Variants in ZNF704 observed in about 807,000 individuals in gnomAD.
ZNF704 encodes zinc finger protein 704, also known as glucocorticoid induced gene 1.
Under a neutral mutation model 44.7 loss-of-function variants are expected in ZNF704, and 10 were observed. The observed-to-expected ratio is 0.22, with a 90% confidence interval of 0.14 to 0.38. ZNF704 has a LOEUF of 0.38. Ranked by LOEUF, ZNF704 falls within the 10% of genes least tolerant of loss-of-function variation. The pLI, the probability that ZNF704 is intolerant of heterozygous loss-of-function variation, is 1.00. For missense variants in ZNF704, 390 were observed against 545.5 expected, an observed-to-expected ratio of 0.71 and a Z score of 2.84; for synonymous variants, 211 against 207.6, an observed-to-expected ratio of 1.02 and a Z score of -0.14.
At chr8:80,697,554 T>C (rs1393615416) in intron 2 of ZNF704, among the ~76,000 whole-genome samples, 1 of 152,234 alleles carries the variant, frequency 6.6e-6, no homozygotes, top group African/African-American at 2.4e-5. Flanking sequence ...GGCTCCAGAA[T>C]GAGTTAGATA....
At position 80,795,819 on chromosome 8, in the gene ZNF704, G is replaced by A. The variant is rs1168105667; in HGVS notation, c.221+25555C>T. Among the ~76,000 whole-genome samples, 9 of 152,016 alleles carry A rather than the reference G, an allele frequency of 5.9e-5. 1 individual carries two copies. Among genetic ancestry groups the A allele is most frequent in the Non-Finnish European group, 1.5e-5 (1 of 67,972 alleles). ...TATGATAAATATGAAATCAACCAAC[G>A]TTTCTCAATGAGGGTGCACTGGCAT... is the stretch of plus-strand genomic sequence containing the variant. On this transcript the variant is annotated intron_variant, in intron 2 of 8. Coordinates refer to ENST00000327835, the MANE Select transcript of ZNF704 (RefSeq NM_001033723.3).
chr8:80,668,299 T>A (rs1483686087), intron 5 of ZNF704, among the ~76,000 whole-genome samples: 1 of 152,216 alleles, frequency 6.6e-6, no homozygotes, highest in African/African-American at 2.4e-5. Context: ...GAGCCCTGCA[T>A]AGAATCTAAC....
intron 7 of ZNF704, among the ~76,000 whole-genome samples, chr8:80,652,199 C>T (rs1358520324): frequency 2.0e-5 from 3 of 152,074 alleles, no homozygotes; most frequent in African/African-American, 4.8e-5. Flanking sequence ...GCACTAAATG[C>T]CCACAAGAGA....
intron 2 of ZNF704, among the ~76,000 whole-genome samples, chr8:80,773,787 T>A (rs1807364685): frequency 1.3e-5 from 2 of 152,202 alleles, no homozygotes; most frequent in Admixed American, 1.3e-4. Flanking sequence ...CAGAGACATT[T>A]CTTTGCTGAG....
chr8:80,685,793 T>C (rs982405782), intron 4 of ZNF704, among the ~76,000 whole-genome samples: 3 of 152,180 alleles, frequency 2.0e-5, no homozygotes, highest in Non-Finnish European at 4.4e-5. Flanking sequence ...CTGTTACACA[T>C]GTGGAATGAT....
Position 80,739,736 on chromosome 8 carries a change from GC to G in ZNF704, c.222-46630del, listed in dbSNP as rs1376891166. ...CTATTAGGCTCTGGAAAAGGGAAGA[GC>G]TGGGCAAACTGAATGCTAATAGGGC... On this transcript the variant is annotated intron_variant, in intron 2 of 8. Transcript: ENST00000327835. Among the ~76,000 whole-genome samples the G allele has an allele frequency of 2.6e-4, 39 of 152,164 alleles. 2 individuals carry two copies. The highest frequency in any genetic ancestry group is 2.6e-3 in the Admixed American group (39 of 15,280).
chr8:80,693,001 T>A lies in ZNF704; in HGVS notation c.325+3A>T. Reference sequence around the variant, plus strand: ...TTCCCTAAGTCCCATATCCTGGGCTTACCGTTCGGCCGCACGGGAGGACTT... The same window carrying A: ...TTCCCTAAGTCCCATATCCTGGGCTAACCGTTCGGCCGCACGGGAGGACTT... On this transcript the variant is annotated splice_donor_region_variant and intron_variant, in intron 3 of 8. Transcript: ENST00000327835. 6.2e-7 allele frequency: 1 copy of A among 1,614,014 alleles called. No individual in the cohort carries two copies. Among genetic ancestry groups the A allele is most frequent in the Non-Finnish European group, 8.5e-7 (1 of 1,179,942 alleles).
intron 1 of ZNF704, among the ~76,000 whole-genome samples, chr8:80,839,759 C>T (rs1808644859): frequency 6.6e-6 from 1 of 152,090 alleles, no homozygotes; most frequent in Admixed American, 6.5e-5. Flanking sequence ...AAAAGACATG[C>T]TTGAGGGGTT....
At chr8:80,753,450 A>G (rs1806982304) in intron 2 of ZNF704, among the ~76,000 whole-genome samples, 1 of 146,498 alleles carries the variant, frequency 6.8e-6, no homozygotes, top group Non-Finnish European at 1.5e-5. Flanking sequence ...CACTTGGACA[A>G]AAAAAAAAAA....
At chr8:80,774,702 G>A (rs921166126) in intron 2 of ZNF704, among the ~76,000 whole-genome samples, 2 of 152,148 alleles carry the variant, frequency 1.3e-5, no homozygotes, top group South Asian at 2.1e-4. Flanking sequence ...GGTTCCCCAC[G>A]AGGCCTTTGC....
chr8:80,819,082 C>T lies in ZNF704; in HGVS notation c.221+2292G>A, dbSNP rs527488182. ...ATGAAAACAAGTATATTAGTAGATACCCCAAACAATGAAGCCTTAAGTAGT... is the reference window on the plus strand; with the variant it reads ...ATGAAAACAAGTATATTAGTAGATATCCCAAACAATGAAGCCTTAAGTAGT... On this transcript the variant is annotated intron_variant, in intron 2 of 8. Transcript: ENST00000327835. Among the ~76,000 whole-genome samples the T allele has an allele frequency of 5.3e-5, 8 of 152,158 alleles. No homozygotes were observed. The East Asian group carries it at 9.7e-4, about 18-fold the overall frequency.
At chr8:80,730,249 G>A (rs1208587437) in intron 2 of ZNF704, among the ~76,000 whole-genome samples, 1 of 152,120 alleles carries the variant, frequency 6.6e-6, no homozygotes, top group Non-Finnish European at 1.5e-5. Flanking sequence ...ATGAAATCAT[G>A]CTGTTTAGTT....
At chr8:80,734,599 G>A (rs1035752104) in intron 2 of ZNF704, among the ~76,000 whole-genome samples, 1 of 152,164 alleles carries the variant, frequency 6.6e-6, no homozygotes, top group African/African-American at 2.4e-5. Context: ...TTAAGTATAT[G>A]TATATTTGCA....
At chr8:80,657,848 G>A (rs1464271766) in intron 7 of ZNF704, among the ~76,000 whole-genome samples, 2 of 151,922 alleles carry the variant, frequency 1.3e-5, no homozygotes, top group Non-Finnish European at 2.9e-5. Flanking sequence ...CAAAGCTTTT[G>A]TCTAGAATGT....
At chr8:80,838,138 AAGAG>A (rs1352318502) in intron 1 of ZNF704, among the ~76,000 whole-genome samples, 2 of 152,126 alleles carry the variant, frequency 1.3e-5, no homozygotes, top group African/African-American at 4.8e-5. Flanking sequence ...AACACACAGC[AAGAG>A]AGAGATTCGT....
chr8:80,799,894 C>T (rs1040334077), intron 2 of ZNF704, among the ~76,000 whole-genome samples: 1 of 151,828 alleles, frequency 6.6e-6, no homozygotes, highest in African/African-American at 2.4e-5. Context: ...CATGTCTAAC[C>T]CAATGCAAAG....
chr8:80,702,367 A>G (rs1253970458), intron 2 of ZNF704, among the ~76,000 whole-genome samples: 1 of 152,160 alleles, frequency 6.6e-6, no homozygotes, highest in Non-Finnish European at 1.5e-5. Context: ...AGGACACCAA[A>G]AGTCTATCAA....
At chr8:80,694,354 CTTGT>C (rs1355548221) in intron 2 of ZNF704, 1 of 152,110 alleles carries the variant, frequency 6.6e-6, no homozygotes, top group Non-Finnish European at 1.5e-5. Context: ...CCGGAGTCAA[CTTGT>C]TTAAGCTTAT....
At chr8:80,748,843 C>T (rs1379269713) in intron 2 of ZNF704, among the ~76,000 whole-genome samples, 1 of 152,128 alleles carries the variant, frequency 6.6e-6, no homozygotes, top group African/African-American at 2.4e-5. Context: ...GCTTCTAGGC[C>T]GCCTCTGAGA....
Sources: allele counts gnomAD v4.1 joint callset (sites outside exome capture counted in the v4.1 genomes callset), GRCh38; gene constraint gnomAD v4.1.1; transcripts MANE v1.5; gene names NCBI Gene and HGNC (gene_info 2026-07-23, HGNC 2026-07-21).